RILPL2: variants seen among roughly 807,000 people sequenced by gnomAD.
RILPL2 encodes Rab interacting lysosomal protein like 2, also known as RILP-like protein 2.
A neutral mutation model predicts 22.2 loss-of-function variants in RILPL2; 19 were observed. The ratio of observed to expected loss-of-function variants is 0.86; its 90% CI spans 0.60 to 1.25. The LOEUF is 1.25. RILPL2 is among the 50% of genes most tolerant of loss of function. The pLI is 0.00. For synonymous variants in RILPL2, 123 were observed against 111.6 expected (o/e 1.10, Z -0.64); for missense variants, 243 against 263.6 (o/e 0.92, Z 0.54).
chr12:123,419,073 C>A (rs1337792654), intron 3 of RILPL2, among the ~76,000 whole-genome samples: 1 of 148,602 alleles, frequency 6.7e-6, no homozygotes, highest in East Asian at 2.0e-4. Flanking sequence ...TGCAGTGGCA[C>A]GATCTCGGCT....
At chr12:123,411,745 C>G (rs574626503), downstream of RILPL2, 1 of 151,456 alleles carries the variant, frequency 6.6e-6, no homozygotes, top group Non-Finnish European at 1.5e-5. Context: ...AGGCTGGTCT[C>G]GAACTCCTGA....
intron 3 of RILPL2, among the ~76,000 whole-genome samples, chr12:123,422,003 CTCT>C (rs1879296222): frequency 9.2e-6 from 1 of 108,662 alleles, no homozygotes; most frequent in Non-Finnish European, 2.0e-5. Context: ...TTCTTTCTCT[CTCT>C]TTTTTTTTTT....
At chr12:123,419,817 A>G (rs948454602) in intron 3 of RILPL2, among the ~76,000 whole-genome samples, 1 of 149,750 alleles carries the variant, frequency 6.7e-6, no homozygotes, top group Non-Finnish European at 1.5e-5. Flanking sequence ...TTTTTCAGAC[A>G]CAGTCTCATT....
downstream of RILPL2, chr12:123,411,724 CCTT>C (rs1370040742): frequency 3.3e-5 from 5 of 151,618 alleles, no homozygotes; most frequent in African/African-American, 4.8e-5. Flanking sequence ...CAGGGTTTCA[CCTT>C]CTTGGCCAGG....
chr12:123,413,900 T>A (rs1349894695), downstream of RILPL2: 1 of 152,238 alleles, frequency 6.6e-6, no homozygotes, highest in African/African-American at 2.4e-5. Context: ...ATTGGTGCAT[T>A]CACAAACCCT....
At chr12:123,429,676 G>A (rs1248990067) in intron 2 of RILPL2, among the ~76,000 whole-genome samples, 3 of 151,068 alleles carry the variant, frequency 2.0e-5, no homozygotes, top group Non-Finnish European at 4.4e-5. Context: ...GCGTGATCTC[G>A]GCTCATTGCA....
chr12:123,429,659 T>G (rs1196175943), intron 2 of RILPL2, among the ~76,000 whole-genome samples: 2 of 150,962 alleles, frequency 1.3e-5, no homozygotes, highest in Non-Finnish European at 3.0e-5. Flanking sequence ...TAGGCTGGAG[T>G]GCAGAGGCGT....
chr12:123,436,064 C>G lies in RILPL2; in HGVS notation c.339+18G>C, dbSNP rs1193948014. The G allele has an allele frequency of 2.6e-6, 4 of 1,557,186 alleles. No homozygotes were observed. The highest frequency in any genetic ancestry group is 1.9e-5 in the Admixed American group (1 of 52,432). On this transcript the variant is annotated intron_variant, in intron 1 of 3. Transcript: ENST00000280571. This position sits in a 1 kb window ranked among gnomAD's most constrained non-coding sequence, Gnocchi z 6.7. ...CCCGCAGGCGCCGTGGGCCCGGAACCCTCGCTCCCACACTCACCTCCCCGC... is the reference window on the plus strand; with the variant it reads ...CCCGCAGGCGCCGTGGGCCCGGAACGCTCGCTCCCACACTCACCTCCCCGC...
intron 3 of RILPL2, among the ~76,000 whole-genome samples, chr12:123,416,805 C>T (rs1021857957): frequency 1.3e-5 from 2 of 152,196 alleles, no homozygotes; most frequent in African/African-American, 4.8e-5. Context: ...CACTTTTGCT[C>T]TATTAGGCTC....
rs1316442349 is a variant in RILPL2 at position 123,415,449 on chromosome 12, A to T, written c.*442T>A. The T allele has an allele frequency of 5.6e-6, 1 of 177,118 alleles. No individual in the cohort carries two copies. Among genetic ancestry groups the T allele is most frequent in the African/African-American group, 2.4e-5 (1 of 42,102 alleles). 11.0% of individuals were successfully genotyped at this position (177,118 alleles called of 1,614,324 possible). ...CACATAAAGAAAGGCATGTTGGCTA[A>T]ATCAAATATTCACTAAATATCAGTG... On this transcript the variant is annotated 3_prime_UTR_variant, in exon 4 of 4. Coordinates refer to ENST00000280571, the MANE Select transcript of RILPL2 (RefSeq NM_145058.3).
Position 123,415,588 on chromosome 12 carries a change from C to A in RILPL2, c.*303G>T. 1 of 488,846 alleles carries A rather than the reference C, an allele frequency of 2.0e-6. No homozygotes were observed. The highest frequency in any genetic ancestry group is 3.5e-5 in the East Asian group (1 of 28,622). The allele number at this position is 488,846 out of a possible 1,614,324, so 30.3% of individuals were successfully genotyped here. A position where few individuals can be genotyped will look rare whatever the true frequency, so the allele number is the denominator to read the frequency against. The stretch of plus-strand genomic sequence containing the variant: ...CAGATGAGTAGGACACGCGTCTGCA[C>A]GCTGGAGGCCCTGGGGGTTGACATG... On this transcript the variant is annotated 3_prime_UTR_variant, in exon 4 of 4. Coordinates refer to ENST00000280571, the MANE Select transcript of RILPL2 (RefSeq NM_145058.3).
At chr12:123,416,207 C>T (rs1260211641) in intron 3 of RILPL2, among the ~76,000 whole-genome samples, 6 of 152,026 alleles carry the variant, frequency 3.9e-5, no homozygotes, top group African/African-American at 1.2e-4. Flanking sequence ...ACCTGTAATC[C>T]CAGCTACTCA....
intron 1 of RILPL2, among the ~76,000 whole-genome samples, chr12:123,434,705 C>T (rs1433541490): frequency 2.0e-5 from 3 of 151,188 alleles, no homozygotes; most frequent in Admixed American, 1.3e-4. Flanking sequence ...GGATTACAGG[C>T]GTGAGTCACA....
intron 1 of RILPL2, among the ~76,000 whole-genome samples, chr12:123,433,231 C>G (rs1327683132): frequency 1.3e-5 from 2 of 151,100 alleles, no homozygotes; most frequent in South Asian, 4.2e-4. Context: ...CTTAGCCTCC[C>G]GAGTAGCTGG....
Position 123,436,083 on chromosome 12 carries a change from TC to T in RILPL2, c.337del (p.Glu113ArgfsTer2). 1 of 1,568,904 alleles carries T rather than the reference TC, an allele frequency of 6.4e-7. No individual in the cohort carries two copies. Among genetic ancestry groups the T allele is most frequent in the Admixed American group, 1.9e-5 (1 of 53,526 alleles). The stretch of plus-strand genomic sequence containing the variant: ...CGGAACCCTCGCTCCCACACTCACC[TC>T]CCCGCTGGCCGGAGGGCTCTGTCTC... ...LRRQSPPASG[E>X]VNLGPNKMVV... is the part of the protein sequence containing the mutation. On this transcript the variant is annotated frameshift_variant and splice_region_variant, in exon 1 of 4. Transcript: ENST00000280571. LOFTEE classifies it high-confidence loss of function. The surrounding 1 kb of genome is among the most constrained non-coding windows in gnomAD (Gnocchi z 6.7).
chr12:123,424,355 A>T (rs1879374368), intron 2 of RILPL2, among the ~76,000 whole-genome samples: 1 of 98,810 alleles, frequency 1.0e-5, no homozygotes, highest in East Asian at 6.0e-4. Flanking sequence ...TTTTTGAGAC[A>T]GAGTCTTGCT....
Position 123,432,640 on chromosome 12 carries a change from C to T in RILPL2, c.340-1981G>A, listed in dbSNP as rs180680024. Reference sequence around the variant, plus strand: ...GGTTTGAGAAGAAAATATGCCATCTCATCTGCCGCCTGATGAAACTTGTCC... The same window carrying T: ...GGTTTGAGAAGAAAATATGCCATCTTATCTGCCGCCTGATGAAACTTGTCC... On this transcript the variant is annotated intron_variant, in intron 1 of 3. Coordinates refer to ENST00000280571, the MANE Select transcript of RILPL2 (RefSeq NM_145058.3). Among the ~76,000 whole-genome samples, 515 of 152,358 alleles carry T rather than the reference C, an allele frequency of 3.4e-3. 5 individuals carry two copies. Among genetic ancestry groups the T allele is most frequent in the African/African-American group, 0.012 (504 of 41,586 alleles).
chr12:123,432,009 C>G (rs901586605), intron 1 of RILPL2, among the ~76,000 whole-genome samples: 2 of 151,644 alleles, frequency 1.3e-5, no homozygotes, highest in East Asian at 3.9e-4. Flanking sequence ...ATTCTTCTGC[C>G]TCAGCCTCCC....
chr12:123,410,516 C>T (rs953632028), downstream of RILPL2, among the ~76,000 whole-genome samples: 3 of 152,194 alleles, frequency 2.0e-5, no homozygotes, highest in Admixed American at 6.5e-5. Flanking sequence ...CCTCCTCCCC[C>T]AAAGATTCAG....
Sources: allele counts gnomAD v4.1 joint callset (sites outside exome capture counted in the v4.1 genomes callset), GRCh38; gene constraint gnomAD v4.1.1; non-coding constraint Gnocchi (gnomAD v3.1); transcripts MANE v1.5; gene names NCBI Gene and HGNC (gene_info 2026-07-23, HGNC 2026-07-21).